The following SCRN1 variants were observed in gnomAD, a reference collection of about 807,000 sequenced individuals.
SCRN1 encodes the protein secernin 1, also known as secernin-1.
A neutral mutation model predicts 43.3 loss-of-function variants in SCRN1; 19 were observed. That is an observed-to-expected ratio of 0.44 (90% CI 0.31 to 0.64). The LOEUF is 0.64. Among genes scored for constraint, SCRN1 ranks in the 30% least tolerant of loss-of-function variants. The probability of loss-of-function intolerance (pLI) is 0.09; values close to 1 mark genes in which losing one functional copy is unlikely to be tolerated. For missense variants in SCRN1, 447 were observed against 524.1 expected (o/e 0.85, Z 1.44); for synonymous variants, 183 against 188.9 (o/e 0.97, Z 0.26).
chr7:29,959,371 A>G (rs1253221025), intron 2 of SCRN1, among the ~76,000 whole-genome samples: 1 of 152,106 alleles, frequency 6.6e-6, no homozygotes, highest in African/African-American at 2.4e-5. Context: ...AGAAGCATTA[A>G]TAACTATCAC....
chr7:29,978,162 G>A (rs929182195), intron 1 of SCRN1, among the ~76,000 whole-genome samples: 2 of 152,184 alleles, frequency 1.3e-5, no homozygotes, highest in Non-Finnish European at 1.5e-5. Flanking sequence ...TCCCAGCAGC[G>A]TGGTGTGGAA....
At chr7:29,981,260 A>G (rs1241227215) in intron 1 of SCRN1, among the ~76,000 whole-genome samples, 1 of 152,178 alleles carries the variant, frequency 6.6e-6, no homozygotes, top group African/African-American at 2.4e-5. Flanking sequence ...TGATCACTAC[A>G]TAATTTTAGT....
At chr7:29,932,975 C>G (rs1219214319) in intron 6 of SCRN1, among the ~76,000 whole-genome samples, 1 of 152,050 alleles carries the variant, frequency 6.6e-6, no homozygotes, top group Non-Finnish European at 1.5e-5. Flanking sequence ...CTCCCAGGTT[C>G]AAGTGATTCT....
At chr7:29,925,407 C>T (rs1282209639) in intron 7 of SCRN1, among the ~76,000 whole-genome samples, 1 of 152,190 alleles carries the variant, frequency 6.6e-6, no homozygotes, top group African/African-American at 2.4e-5. Context: ...GTCCACAGCA[C>T]CAATTTACAC....
At chr7:29,989,553 A>T in intron 1 of SCRN1, 89 bp downstream of exon 1, 1 of 985,504 alleles carries the variant, frequency 1.0e-6, no homozygotes, top group Non-Finnish European at 1.2e-6. Flanking sequence ...GCGGGAGGAG[A>T]TGAAACGCAG....
intron 4 of SCRN1, among the ~76,000 whole-genome samples, chr7:29,942,961 C>T (rs1787607114): frequency 6.6e-6 from 1 of 152,170 alleles, no homozygotes; most frequent in South Asian, 2.1e-4. Flanking sequence ...GCTTGATTCC[C>T]ATCTACTGTG....
At chr7:29,984,204 CAAAAAAA>C (rs55733700) in intron 1 of SCRN1, among the ~76,000 whole-genome samples, 1,573 of 98,324 alleles carry the variant, frequency 0.016, 17 homozygotes, top group Admixed American at 0.022. Context: ...AGACAGTCTC[CAAAAAAA>C]AAAAAAAAAA....
intron 1 of SCRN1, among the ~76,000 whole-genome samples, chr7:29,982,952 C>T (rs533350255): frequency 2.0e-3 from 302 of 151,984 alleles, no homozygotes; most frequent in Non-Finnish European, 3.5e-3. Flanking sequence ...AATTCTCTTG[C>T]CTCAGCCTCC....
intron 2 of SCRN1, among the ~76,000 whole-genome samples, chr7:29,967,877 T>C (rs1420033114): frequency 1.3e-5 from 2 of 152,172 alleles, no homozygotes; most frequent in East Asian, 1.9e-4. Context: ...TAACATAAAA[T>C]AGCCATCGTG....
At chr7:29,981,890 C>T (rs1562824622) in intron 1 of SCRN1, among the ~76,000 whole-genome samples, 1 of 152,276 alleles carries the variant, frequency 6.6e-6, no homozygotes, top group Non-Finnish European at 1.5e-5. Flanking sequence ...TTGAGAAGAA[C>T]ATTCCATAGA....
intron 1 of SCRN1, among the ~76,000 whole-genome samples, chr7:29,977,217 C>A (rs543811170): frequency 6.6e-6 from 1 of 152,314 alleles, no homozygotes; most frequent in East Asian, 1.9e-4. Flanking sequence ...AAGAATGAAA[C>A]CCAAATGTCC....
chr7:29,942,537 T>G (rs1787590728), intron 4 of SCRN1, among the ~76,000 whole-genome samples: 1 of 152,236 alleles, frequency 6.6e-6, no homozygotes, highest in African/African-American at 2.4e-5. Context: ...GCACTCTTGA[T>G]GGAAGCATTC....
rs138750198 is a variant in SCRN1, at chr7:29,945,525, T to C, written c.342-1346A>G. On this transcript the variant is annotated intron_variant, in intron 3 of 7. Coordinates refer to ENST00000242059, the MANE Select transcript of SCRN1 (RefSeq NM_014766.5). ...TAAAATGAACGCCCACATCATTTAG[T>C]TGTTGTAAGAGTAGGTTTATGAGAT... Among the ~76,000 whole-genome samples, 8 of 152,312 alleles carry C rather than the reference T, an allele frequency of 5.3e-5. No homozygotes were observed. In the East Asian group the frequency reaches 1.5e-3, roughly 29 times the overall value.
At chr7:29,988,586 C>T (rs1789240226) in intron 1 of SCRN1, 1 of 152,436 alleles carries the variant, frequency 6.6e-6, no homozygotes, top group Non-Finnish European at 1.5e-5. Context: ...TTTGAATTAG[C>T]ATAGGTTTCC....
At chr7:29,962,675 G>C (rs965881265) in intron 2 of SCRN1, among the ~76,000 whole-genome samples, 9 of 151,780 alleles carry the variant, frequency 5.9e-5, no homozygotes, top group African/African-American at 2.2e-4. Flanking sequence ...GTGACAGAGT[G>C]AGACTGTCTC....
Position 29,950,772 on chromosome 7 carries a change from AG to A in SCRN1, c.341+4406del, listed in dbSNP as rs1787894387. Among the ~76,000 whole-genome samples, 1 of 152,134 alleles carries A rather than the reference AG, an allele frequency of 6.6e-6. No individual in the cohort carries two copies. Among genetic ancestry groups the A allele is most frequent in the Admixed American group, 6.6e-5 (1 of 15,264 alleles). Reference sequence around the variant, plus strand: ...GCAGCAGAAGGGAGCTACCCACTACAGGTCTCCTCTCTGCTGAGAGCTGGAT... The same window carrying A: ...GCAGCAGAAGGGAGCTACCCACTACAGTCTCCTCTCTGCTGAGAGCTGGAT... On this transcript the variant is annotated intron_variant, in intron 3 of 7. Coordinates refer to ENST00000242059, the MANE Select transcript of SCRN1 (RefSeq NM_014766.5). The surrounding 1 kb of genome is among the most constrained non-coding windows in gnomAD (Gnocchi z 4.5).
chr7:29,979,741 A>T (rs1402269965), intron 1 of SCRN1, among the ~76,000 whole-genome samples: 2 of 152,234 alleles, frequency 1.3e-5, no homozygotes, highest in African/African-American at 4.8e-5. Flanking sequence ...AAGAGGAGAG[A>T]TTAATGGAAT....
rs1479135044 is a variant in SCRN1 at position 29,922,046 on chromosome 7, C to CG, written c.*1910_*1911insC. 6.6e-6 allele frequency: 1 copy of CG among 152,094 alleles called. No individual in the cohort carries two copies. Among genetic ancestry groups the CG allele is most frequent in the African/African-American group, 2.4e-5 (1 of 41,406 alleles). 9.4% of individuals were successfully genotyped at this position (152,094 alleles called of 1,614,324 possible). A position where few individuals can be genotyped will look rare whatever the true frequency, so the allele number is the denominator to read the frequency against. ...TCATCCTCGAACCTCACTTTCCCCCCCCCTTAACAGTGATAGAAAGACACT... is the reference window on the plus strand; with the variant it reads ...TCATCCTCGAACCTCACTTTCCCCCCGCCCTTAACAGTGATAGAAAGACACT... On this transcript the variant is annotated 3_prime_UTR_variant, in exon 8 of 8. Transcript: ENST00000242059.
intron 1 of SCRN1, among the ~76,000 whole-genome samples, chr7:29,970,407 C>T (rs1788632640): frequency 6.6e-6 from 1 of 152,190 alleles, no homozygotes; most frequent in Non-Finnish European, 1.5e-5. Flanking sequence ...TGGTTAACTC[C>T]TCCTCTTTCA....
Sources: allele counts gnomAD v4.1 joint callset (sites outside exome capture counted in the v4.1 genomes callset), GRCh38; gene constraint gnomAD v4.1.1; non-coding constraint Gnocchi (gnomAD v3.1); transcripts MANE v1.5; gene names NCBI Gene and HGNC (gene_info 2026-07-23, HGNC 2026-07-21).